Variants in SLC25A23 observed in about 807,000 individuals in gnomAD.
SLC25A23 encodes solute carrier family 25 member 23, also known as mitochondrial adenyl nucleotide antiporter SLC25A23.
Under a neutral mutation model 53.9 loss-of-function variants are expected in SLC25A23, and 32 were observed. The ratio of observed to expected loss-of-function variants is 0.59; its 90% CI spans 0.45 to 0.80. The LOEUF (loss-of-function observed/expected upper bound fraction) is 0.80, where lower values mean the gene tolerates loss of function less well. Ranked by LOEUF, SLC25A23 falls within the 30% of genes least tolerant of loss-of-function variation. The pLI, the probability that SLC25A23 is intolerant of heterozygous loss-of-function variation, is 0.00. For missense variants in SLC25A23, 575 were observed against 651.4 expected (o/e 0.88, Z 1.28); for synonymous variants, 275 against 264.5 (o/e 1.04, Z -0.38).
chr19:6,456,239 G>T, intron 4 of SLC25A23, 181 bp downstream of exon 4: 1 of 976,558 alleles, frequency 1.0e-6, no homozygotes, highest in Non-Finnish European at 1.5e-6. Flanking sequence ...TGTCCCAAAT[G>T]GGACCCTTGA....
At chr19:6,442,605 A>G (rs1054994624) in intron 9 of SLC25A23, among the ~76,000 whole-genome samples, 1 of 152,060 alleles carries the variant, frequency 6.6e-6, no homozygotes, top group African/African-American at 2.4e-5. Flanking sequence ...CTGGAGTGCA[A>G]TGGTGCAATC....
Position 6,454,763 on chromosome 19 carries a change from G to A in SLC25A23, c.484-46C>T, listed in dbSNP as rs771201377. On this transcript the variant is annotated intron_variant, in intron 4 of 9. Transcript: ENST00000301454. The surrounding 1 kb of genome is among the most constrained non-coding windows in gnomAD (Gnocchi z 4.3). ...GGTGTCATGCCATGGTGGGGACAGG[G>A]AGATGTGACTCAGTCCTAAATAGGG... The A allele has an allele frequency of 1.2e-6, 2 of 1,604,432 alleles. No individual in the cohort carries two copies. Among genetic ancestry groups the A allele is most frequent in the South Asian group, 2.2e-5 (2 of 89,566 alleles).
rs1192885007 is a variant in SLC25A23 at position 6,444,121 on chromosome 19, C to T, written c.1222+30G>A. On this transcript the variant is annotated intron_variant, in intron 9 of 9. Coordinates refer to ENST00000301454, the MANE Select transcript of SLC25A23 (RefSeq NM_024103.3). ...GCTGGGGCCCAAGCGATGAGACTCC[C>T]CCTGCCCCATCCTCCCGCCCAGGCC... 3.3e-6 allele frequency: 5 copies of T among 1,527,030 alleles called. No homozygotes were observed. In the Admixed American group the frequency reaches 9.6e-5, roughly 29 times the overall value. The allele number at this position is 1,527,030 out of a possible 1,614,324, so 94.6% of individuals were successfully genotyped here.
rs759761443 is a variant in SLC25A23 at position 6,454,438 on chromosome 19, C to G, written c.680G>C (p.Gly227Ala). The G allele has an allele frequency of 1.9e-6, 3 of 1,614,178 alleles. No individual in the cohort carries two copies. In the East Asian group the frequency reaches 6.7e-5, roughly 36 times the overall value. The change falls in exon 6 of 10, where the codon GGG becomes GCG. Residue 227 changes from glycine to alanine, a missense_variant. Transcript: ENST00000301454. The surrounding 1 kb of genome is among the most constrained non-coding windows in gnomAD (Gnocchi z 4.3). ...ASKTNRLNIL[G>A]GLRSMVLEGG... ...CTCAAGGACCATGCTTCGAAGCCCC[C>G]CAAGGATGTTCAGCCGGTTGGTCTT...
chr19:6,438,660 C>G, downstream of SLC25A23: 1 of 164,498 alleles, frequency 6.1e-6, no homozygotes, highest in Non-Finnish European at 1.4e-5. Context: ...ACCAGCCTGG[C>G]CAACACGGGA....
downstream of SLC25A23, chr19:6,436,550 T>G (rs1452312482): frequency 5.9e-6 from 1 of 170,362 alleles, no homozygotes; most frequent in Non-Finnish European, 1.1e-5. Flanking sequence ...CGACAGTGTC[T>G]TTTTTTTTTT....
In SLC25A23 at chr19:6,458,248, C is replaced by T. The variant is rs767419223; in HGVS notation, c.233G>A (p.Arg78Gln). Residue 78 changes from arginine to glutamine, a missense_variant, in exon 2 of 10, where the codon CGG (arginine) becomes CAG (glutamine). By Grantham distance (43) the Arg-to-Gln change is conservative. Coordinates refer to ENST00000301454, the MANE Select transcript of SLC25A23 (RefSeq NM_024103.3). ...LEEFSRYLQE[R>Q]EQRLLLMFHS... ...AAACATGAGCAGCAGACGCTGTTCC[C>T]GCTCCTGCAGATAGCGGGAAAATTC... The T allele has an allele frequency of 7.4e-6, 12 of 1,613,510 alleles. No homozygotes were observed. The highest frequency in any genetic ancestry group is 4.5e-5 in the East Asian group (2 of 44,892).
chr19:6,449,857 CTT>C (rs142681286), intron 8 of SLC25A23, among the ~76,000 whole-genome samples: 7 of 127,156 alleles, frequency 5.5e-5, no homozygotes, highest in African/African-American at 2.8e-4. Flanking sequence ...ACTCACAACT[CTT>C]TTTTTTTTTT....
At chr19:6,457,351 G>A in intron 3 of SLC25A23, 152 bp downstream of exon 3, 1 of 661,578 alleles carries the variant, frequency 1.5e-6, no homozygotes, top group South Asian at 1.9e-5. Flanking sequence ...ACAGATGTGA[G>A]CCACTGCGCC....
downstream of SLC25A23, among the ~76,000 whole-genome samples, chr19:6,437,299 CA>C (rs1216772744): frequency 1.3e-5 from 2 of 152,142 alleles, no homozygotes; most frequent in African/African-American, 4.8e-5. Flanking sequence ...TGAGCTACCC[CA>C]CCCACCCTGA....
At chr19:6,455,707 GTTTTTTTTTT>G (rs529957147) in intron 4 of SLC25A23, among the ~76,000 whole-genome samples, 18 of 124,954 alleles carry the variant, frequency 1.4e-4, no homozygotes, top group African/African-American at 4.3e-4. Context: ...TGAAGACCGT[GTTTTTTTTTT>G]TTTTTTTTTT....
chr19:6,437,006 G>A (rs2092333201), downstream of SLC25A23, among the ~76,000 whole-genome samples: 1 of 151,730 alleles, frequency 6.6e-6, no homozygotes, highest in African/African-American at 2.4e-5. Context: ...GTGACACCAT[G>A]CCCGGCTAAT....
At position 6,442,179 on chromosome 19, in the gene SLC25A23, G is replaced by GGGGGGGGGC; in HGVS notation, c.1223-21_1223-20insGCCCCCCCC. 1.4e-6 allele frequency: 2 copies of GGGGGGGGGC among 1,456,840 alleles called. No individual in the cohort carries two copies. The highest frequency in any genetic ancestry group is 3.0e-5 in the African/African-American group (2 of 65,854). The allele number at this position is 1,456,840 out of a possible 1,614,324, so 90.2% of individuals were successfully genotyped here. A position where few individuals can be genotyped will look rare whatever the true frequency, so the allele number is the denominator to read the frequency against. ...TGGAGGCTGGGAGGGGGCGGGGGGG[G>GGGGGGGGGC]CACCAGGTAAGGCCAACGTTCCCCT... On this transcript the variant is annotated intron_variant, in intron 9 of 9. Transcript: ENST00000301454.
rs113398812 is a variant in SLC25A23 at position 6,454,159 on chromosome 19, T to A, written c.796-71A>T. On this transcript the variant is annotated intron_variant, in intron 6 of 9. Transcript: ENST00000301454. The surrounding 1 kb of genome is among the most constrained non-coding windows in gnomAD (Gnocchi z 4.3). ...CCTTCCTTGCACTCCACTGTTCTCC[T>A]GGCTTCCAAAGAACTGGCTTGCTGC... The A allele has an allele frequency of 1.3e-6, 2 of 1,529,660 alleles. No individual in the cohort carries two copies. Among genetic ancestry groups the A allele is most frequent in the African/African-American group, 1.4e-5 (1 of 73,220 alleles). The allele number at this position is 1,529,660 out of a possible 1,614,324, so 94.8% of individuals were successfully genotyped here.
chr19:6,441,766 T>C lies in SLC25A23; in HGVS notation c.*209A>G. ...TAGTGGCTGAAGGGTGGGGATCGCATGACCCAGTGGTTGGGGCATAGGAGT... is the reference window on the plus strand; with the variant it reads ...TAGTGGCTGAAGGGTGGGGATCGCACGACCCAGTGGTTGGGGCATAGGAGT... On this transcript the variant is annotated 3_prime_UTR_variant, in exon 10 of 10. Coordinates refer to ENST00000301454, the MANE Select transcript of SLC25A23 (RefSeq NM_024103.3). The C allele has an allele frequency of 1.7e-6, 1 of 583,364 alleles. No homozygotes were observed. Among genetic ancestry groups the C allele is most frequent in the Non-Finnish European group, 3.1e-6 (1 of 327,506 alleles). The allele number at this position is 583,364 out of a possible 1,614,324, so 36.1% of individuals were successfully genotyped here.
rs751885768 is a variant in SLC25A23, at chr19:6,454,124, G to A, written c.796-36C>T. 1.3e-6 allele frequency: 2 copies of A among 1,589,540 alleles called. No homozygotes were observed. The highest frequency in any genetic ancestry group is 1.7e-6 in the Non-Finnish European group (2 of 1,164,994). On this transcript the variant is annotated intron_variant, in intron 6 of 9. Coordinates refer to ENST00000301454, the MANE Select transcript of SLC25A23 (RefSeq NM_024103.3). The surrounding 1 kb of genome is among the most constrained non-coding windows in gnomAD (Gnocchi z 4.3). ...GAGACACAGGGATGGGTAGGACCAT[G>A]GGGGTTGAACCTTCCTTGCACTCCA...
rs1463702421 is a variant in SLC25A23, at chr19:6,459,664, G to C, written c.-36C>G. On this transcript the variant is annotated 5_prime_UTR_variant, in exon 1 of 10. Transcript: ENST00000301454. The surrounding 1 kb of genome is among the most constrained non-coding windows in gnomAD (Gnocchi z 4.6). ...CGGGGGGGAGGGGAGGCCCGGCAGC[G>C]GCGGCCTCAGTGGGGGCTTCGCGGC... The C allele has an allele frequency of 1.1e-5, 15 of 1,320,348 alleles. No homozygotes were observed. Among genetic ancestry groups the C allele is most frequent in the Non-Finnish European group, 1.4e-5 (15 of 1,042,488 alleles). The allele number at this position is 1,320,348 out of a possible 1,614,324, so 81.8% of individuals were successfully genotyped here.
chr19:6,458,258 G>C lies in SLC25A23; in HGVS notation c.223C>G (p.Leu75Val), dbSNP rs777170663. Residue 75 changes from leucine to valine, a missense_variant, in exon 2 of 10, where the codon CTG becomes GTG. Transcript: ENST00000301454. ...GLDLEEFSRYLQEREQRLLLM... is the reference protein window; with the variant it reads ...GLDLEEFSRYVQEREQRLLLM... ...AGCAGACGCTGTTCCCGCTCCTGCA[G>C]ATAGCGGGAAAATTCCTCCAGGTCG... The C allele has an allele frequency of 6.2e-7, 1 of 1,613,654 alleles. No homozygotes were observed. Among genetic ancestry groups the C allele is most frequent in the East Asian group, 2.2e-5 (1 of 44,884 alleles).
chr19:6,439,399 TCACACACACACA>T (rs57370920), downstream of SLC25A23, among the ~76,000 whole-genome samples: 1 of 123,988 alleles, frequency 8.1e-6, no homozygotes, highest in Admixed American at 7.8e-5. Flanking sequence ...TCTCTCTCTC[TCACACACACACA>T]CACACACACA....
Sources: gnomAD v4.1 joint callset for allele counts (sites outside exome capture counted in the v4.1 genomes callset) on GRCh38, gnomAD v4.1.1 for gene constraint, Gnocchi (gnomAD v3.1) non-coding constraint, MANE v1.5 for transcripts, NCBI Gene and HGNC (gene_info 2026-07-23, HGNC 2026-07-21) for gene names.